DENND3: variants seen among roughly 807,000 people sequenced by gnomAD.
DENND3 encodes DENN domain-containing protein 3.
In DENND3, 88 loss-of-function variants were observed where a neutral mutation model predicts 135.1. The ratio of observed to expected loss-of-function variants is 0.65; its 90% confidence interval spans 0.55 to 0.78. The LOEUF (loss-of-function observed/expected upper bound fraction) is 0.78. Ranked by LOEUF, DENND3 falls within the 30% of genes least tolerant of loss-of-function variation. DENND3 has a pLI of 0.00. For synonymous variants in DENND3, 693 were observed against 712.3 expected (o/e 0.97, Z 0.43); for missense variants, 1,392 against 1,688.4 (o/e 0.82, Z 3.08).
At chr8:141,133,602 C>T (rs981543310) in intron 1 of DENND3, among the ~76,000 whole-genome samples, 5 of 152,242 alleles carry the variant, frequency 3.3e-5, no homozygotes, top group Non-Finnish European at 5.9e-5. Flanking sequence ...CCTGGAGCCA[C>T]GGGTCTTGCA....
rs1319227775 is a variant in DENND3, at chr8:141,175,693, TA to T, written c.2535+236del. 1 of 584,274 alleles carries T rather than the reference TA, an allele frequency of 1.7e-6. No homozygotes were observed. The highest frequency in any genetic ancestry group is 1.9e-5 in the African/African-American group (1 of 53,702). The allele number at this position is 584,274 out of a possible 1,614,324, so 36.2% of individuals were successfully genotyped here. On this transcript the variant is annotated intron_variant, in intron 14 of 22. Coordinates refer to ENST00000519811, the MANE Select transcript of DENND3 (RefSeq NM_001352890.3). This position sits in a 1 kb window ranked among gnomAD's most constrained non-coding sequence, Gnocchi z 5.4. ...TGCATATGGAGCATGCTTAGAATGG[TA>T]ACTGATTCTCTGTCACAGCTGACTT...
rs1358788429 is a variant in DENND3, at chr8:141,154,951, A to G, written c.1075-898A>G. On this transcript the variant is annotated intron_variant, in intron 7 of 22. Transcript: ENST00000519811. The surrounding 1 kb of genome is among the most constrained non-coding windows in gnomAD (Gnocchi z 4.4). ...AATGGACTATTCAGGCTGAAGAAGC[A>G]AGGATGTTCTGACACATGCCTCAGA... is the stretch of plus-strand genomic sequence containing the variant. Among the ~76,000 whole-genome samples the G allele has an allele frequency of 6.6e-6, 1 of 152,244 alleles. No homozygotes were observed. Among genetic ancestry groups the G allele is most frequent in the Non-Finnish European group, 1.5e-5 (1 of 68,046 alleles).
intron 14 of DENND3, chr8:141,176,305 AAGAG>A (rs1276395004): frequency 6.6e-6 from 2 of 302,856 alleles, no homozygotes; most frequent in Non-Finnish European, 1.2e-5. Context: ...AAAAAACAAA[AAGAG>A]GGAGAGAGAA....
At chr8:141,165,946 C>T (rs1820734194) in intron 11 of DENND3, among the ~76,000 whole-genome samples, 1 of 152,132 alleles carries the variant, frequency 6.6e-6, no homozygotes, top group Admixed American at 6.5e-5. Context: ...GAGCCCCCTC[C>T]AACATGTGTC....
Position 141,174,124 on chromosome 8 carries a change from G to C in DENND3, c.2276-1076G>C, listed in dbSNP as rs1822012992. Among the ~76,000 whole-genome samples the C allele has an allele frequency of 6.6e-6, 1 of 152,124 alleles. No individual in the cohort carries two copies. The highest frequency in any genetic ancestry group is 6.5e-5 in the Admixed American group (1 of 15,278). On this transcript the variant is annotated intron_variant, in intron 13 of 22. Coordinates refer to ENST00000519811, the MANE Select transcript of DENND3 (RefSeq NM_001352890.3). This position sits in a 1 kb window ranked among gnomAD's most constrained non-coding sequence, Gnocchi z 4.6. ...AGGCAGGATGAGTGTGTGTGTGCGT[G>C]TAACAACACGACCTGTTTGGGAGCA...
Position 141,185,262 on chromosome 8 carries a change from T to C in DENND3, c.3068T>C (p.Val1023Ala), listed in dbSNP as rs1249748276. The C allele has an allele frequency of 1.2e-6, 2 of 1,613,990 alleles. No individual in the cohort carries two copies. The highest frequency in any genetic ancestry group is 2.2e-5 in the East Asian group (1 of 44,892). Reference protein sequence around the residue: ...SWTIHQHSFKVGTAKVNCMVM... With the variant: ...SWTIHQHSFKAGTAKVNCMVM... ...ACCATCCACCAGCACTCCTTTAAAG[T>C]GGGCACTGCAAAAGTGGTGAGTACA... Residue 1023 changes from valine (V) to alanine (A), a missense_variant, in exon 18 of 23, where the codon GTG becomes GCG. By Grantham distance (64) the Val-to-Ala change is moderately conservative. Coordinates refer to ENST00000519811, the MANE Select transcript of DENND3 (RefSeq NM_001352890.3).
intron 4 of DENND3, chr8:141,142,532 A>G (rs1657710062): frequency 2.7e-6 from 1 of 368,694 alleles, no homozygotes; most frequent in African/African-American, 2.2e-5. Flanking sequence ...TTCTTAAAAT[A>G]TAACTGGCTT....
chr8:141,172,096 G>T (rs957786174), intron 13 of DENND3, among the ~76,000 whole-genome samples: 8 of 144,440 alleles, frequency 5.5e-5, no homozygotes, highest in African/African-American at 2.1e-4. Flanking sequence ...GCGCAGTGGT[G>T]GTGGGTGTGC....
intron 13 of DENND3, among the ~76,000 whole-genome samples, chr8:141,170,927 C>G (rs1192082361): frequency 1.3e-5 from 2 of 152,218 alleles, no homozygotes; most frequent in African/African-American, 4.8e-5. Context: ...TTTTGAGGCA[C>G]CCCCACCCCC....
At position 141,166,736 on chromosome 8, in the gene DENND3, A is replaced by G. The variant is rs1254537456; in HGVS notation, c.1753+347A>G. ...ACGTGTGATAGGAGGCAGGGAGCGCACCAGGCACTTTCTAGAGCCGGAGCT... is the reference window on the plus strand; with the variant it reads ...ACGTGTGATAGGAGGCAGGGAGCGCGCCAGGCACTTTCTAGAGCCGGAGCT... On this transcript the variant is annotated intron_variant, in intron 12 of 22. Transcript: ENST00000519811. This position sits in a 1 kb window ranked among gnomAD's most constrained non-coding sequence, Gnocchi z 4.3. 6.6e-6 allele frequency among the ~76,000 whole-genome samples: 1 copy of G among 152,194 alleles called. No individual in the cohort carries two copies. The highest frequency in any genetic ancestry group is 1.5e-5 in the Non-Finnish European group (1 of 68,034).
In DENND3 at chr8:141,175,495, C is replaced by G. The variant is rs774538049; in HGVS notation, c.2535+36C>G. ...CACAGGCAGACGGCGCCAGACCCCA[C>G]CTGTGTTTAGGAGACAGATGGCTGG... On this transcript the variant is annotated intron_variant, in intron 14 of 22. Coordinates refer to ENST00000519811, the MANE Select transcript of DENND3 (RefSeq NM_001352890.3). This position sits in a 1 kb window ranked among gnomAD's most constrained non-coding sequence, Gnocchi z 5.4. 9 of 1,613,606 alleles carry G rather than the reference C, an allele frequency of 5.6e-6. No individual in the cohort carries two copies. In the South Asian group the frequency reaches 9.9e-5, roughly 18 times the overall value.
intron 17 of DENND3, among the ~76,000 whole-genome samples, chr8:141,183,370 T>C (rs1823429990): frequency 6.6e-6 from 1 of 151,946 alleles, no homozygotes; most frequent in East Asian, 1.9e-4. Flanking sequence ...CTCGGCCTCC[T>C]GATTAGCTGG....
In DENND3 at chr8:141,168,120, G is replaced by A; in HGVS notation, c.1870G>A (p.Ala624Thr). The A allele has an allele frequency of 6.2e-7, 1 of 1,614,184 alleles. No individual in the cohort carries two copies. Among genetic ancestry groups the A allele is most frequent in the Non-Finnish European group, 8.5e-7 (1 of 1,180,046 alleles). The change falls in exon 13 of 23, where the codon GCC (alanine) becomes ACC (threonine). Residue 624 changes from alanine to threonine, a missense_variant. By Grantham distance (58) the Ala-to-Thr change is moderately conservative (BLOSUM62 0). Transcript: ENST00000519811. The surrounding 1 kb of genome is among the most constrained non-coding windows in gnomAD (Gnocchi z 6.2). ...HAHFVSMLSE[A>T]MCFLAPDNSL... ...CCACTTTGTCTCCATGCTGAGCGAG[G>A]CCATGTGCTTTCTGGCCCCCGATAA...
In DENND3 at chr8:141,141,221, A is replaced by G. The variant is rs1043552008; in HGVS notation, c.520A>G (p.Asn174Asp). The change falls in exon 4 of 23, where the codon AAT becomes GAT. Residue 174 changes from asparagine (N) to aspartate (D), a missense_variant. Physicochemically the swap from Asn to Asp is conservative, Grantham distance 23 (BLOSUM62 1). Coordinates refer to ENST00000519811, the MANE Select transcript of DENND3 (RefSeq NM_001352890.3). This position sits in a 1 kb window ranked among gnomAD's most constrained non-coding sequence, Gnocchi z 5.3. ...RPLHDEYCFY[N>D]GKTHRECPGC... ...CATGTAGGATGAGTACTGTTTCTAC[A>G]ATGGCAAAACGCACCGGGAGTGTCC... 21 of 1,614,194 alleles carry G rather than the reference A, an allele frequency of 1.3e-5. No individual in the cohort carries two copies. Among genetic ancestry groups the G allele is most frequent in the Non-Finnish European group, 1.7e-5 (20 of 1,180,022 alleles).
chr8:141,183,103 G>A (rs1018153262), intron 17 of DENND3, among the ~76,000 whole-genome samples: 1 of 152,158 alleles, frequency 6.6e-6, no homozygotes, highest in African/African-American at 2.4e-5. Context: ...AAAGGCAAAT[G>A]TGAACAATGA....
Position 141,128,937 on chromosome 8 carries a change from G to A in DENND3, c.102+128G>A, listed in dbSNP as rs901189679. On this transcript the variant is annotated intron_variant, in intron 1 of 22. Transcript: ENST00000519811. The surrounding 1 kb of genome is among the most constrained non-coding windows in gnomAD (Gnocchi z 4.5). ...TCCGAGGGCTGAGTCCCGGTCCCCC[G>A]GCGGTGACCCCGCGCGCCTGTGGCC... 3.0e-6 allele frequency: 2 copies of A among 677,864 alleles called. No homozygotes were observed. Among genetic ancestry groups the A allele is most frequent in the Non-Finnish European group, 4.3e-6 (2 of 463,772 alleles). The allele number at this position is 677,864 out of a possible 1,614,324, so 42.0% of individuals were successfully genotyped here. A position where few individuals can be genotyped will look rare whatever the true frequency, so the allele number is the denominator to read the frequency against.
intron 4 of DENND3, chr8:141,142,776 A>G (rs1429451854): frequency 1.2e-5 from 2 of 167,072 alleles, no homozygotes; most frequent in African/African-American, 4.8e-5. Context: ...GTTTTCACTA[A>G]TCTCTAGTTT....
rs1342350904 is a variant in DENND3, at chr8:141,139,003, G to C, written c.501+866G>C. On this transcript the variant is annotated intron_variant, in intron 3 of 22. Coordinates refer to ENST00000519811, the MANE Select transcript of DENND3 (RefSeq NM_001352890.3). This position sits in a 1 kb window ranked among gnomAD's most constrained non-coding sequence, Gnocchi z 4.2. ...CACACATATTGGGAGTGTTGTCTGG[G>C]TAGGGCCGTGTGTGTGAATCAGTGG... Among the ~76,000 whole-genome samples the C allele has an allele frequency of 2.0e-5, 3 of 152,208 alleles. No individual in the cohort carries two copies. Among genetic ancestry groups the C allele is most frequent in the African/African-American group, 7.2e-5 (3 of 41,444 alleles).
rs1037579530 is a variant in DENND3, at chr8:141,174,753, G to A, written c.2276-447G>A. Among the ~76,000 whole-genome samples the A allele has an allele frequency of 6.6e-6, 1 of 152,214 alleles. No homozygotes were observed. The highest frequency in any genetic ancestry group is 1.9e-4 in the East Asian group (1 of 5,204). The stretch of plus-strand genomic sequence containing the variant: ...GCCGACCCAGTGGCAGGGCAGCGGC[G>A]CTAAGGATCCAACCTTCCCGGCGTT... On this transcript the variant is annotated intron_variant, in intron 13 of 22. Coordinates refer to ENST00000519811, the MANE Select transcript of DENND3 (RefSeq NM_001352890.3). The surrounding 1 kb of genome is among the most constrained non-coding windows in gnomAD (Gnocchi z 4.6).
Sources: allele counts gnomAD v4.1 joint callset (sites outside exome capture counted in the v4.1 genomes callset), GRCh38; gene constraint gnomAD v4.1.1; non-coding constraint Gnocchi (gnomAD v3.1); transcripts MANE v1.5; gene names NCBI Gene and HGNC (gene_info 2026-07-23, HGNC 2026-07-21).